The following PNLIP variants were observed in gnomAD, a reference collection of about 807,000 sequenced individuals.
PNLIP encodes pancreatic lipase.
PNLIP carries 49 observed loss-of-function variants against 57.1 expected under a neutral mutation model. That is an observed-to-expected ratio of 0.86 (90% CI 0.68 to 1.09). The LOEUF (loss-of-function observed/expected upper bound fraction) is 1.09, where lower values mean the gene tolerates loss of function less well. Among genes scored for constraint, PNLIP ranks in the 50% least tolerant of loss-of-function variants. The pLI is 0.00. For synonymous variants in PNLIP, 209 were observed against 200.4 expected, an observed-to-expected ratio of 1.04 and a Z score of -0.36; for missense variants, 503 against 570.2, an observed-to-expected ratio of 0.88 and a Z score of 1.20.
intron 11 of PNLIP, among the ~76,000 whole-genome samples, chr10:116,561,039 TA>T (rs1847310631): frequency 6.6e-6 from 1 of 152,224 alleles, no homozygotes; most frequent in Admixed American, 6.5e-5. Flanking sequence ...ATTCAGTTTC[TA>T]AATATTTTCA....
intron 10 of PNLIP, 68 bp from the exon 11 acceptor site, chr10:116,560,348 T>C (rs1847301158): frequency 1.3e-6 from 1 of 746,966 alleles, no homozygotes; most frequent in Non-Finnish European, 2.3e-6. Context: ...AGTAGTGGGA[T>C]GCAAATTAAC....
At chr10:116,551,007 G>T (rs778310913) in intron 4 of PNLIP, 91 bp from the exon 5 acceptor site, 128 of 1,072,526 alleles carry the variant, frequency 1.2e-4, no homozygotes, top group South Asian at 5.8e-4. Flanking sequence ...TGTGGGTCAA[G>T]GAGGGAATTT....
At chr10:116,567,113 C>G (rs2133211446) in intron 12 of PNLIP, among the ~76,000 whole-genome samples, 1 of 32,794 alleles carries the variant, frequency 3.0e-5, no homozygotes. Context: ...TTCCTCCCTC[C>G]TTTCTTTCTC....
intron 3 of PNLIP, 26 bp downstream of exon 3, chr10:116,547,474 C>T: frequency 4.4e-6 from 7 of 1,592,876 alleles, no homozygotes; most frequent in Non-Finnish European, 6.0e-6. Flanking sequence ...GTGTTTAGAA[C>T]TAAGTTCTTT....
Position 116,547,284 on chromosome 10 carries a change from G to A in PNLIP, c.47-10G>A. On this transcript the variant is annotated splice_polypyrimidine_tract_variant and intron_variant, in intron 2 of 12. Coordinates refer to ENST00000369221, the MANE Select transcript of PNLIP (RefSeq NM_000936.4). ...GTTTGTAAAACTAATATCCTTCTGGGGGATTGCAGGAAAAGAAGTTTGCTA... is the reference window on the plus strand; with the variant it reads ...GTTTGTAAAACTAATATCCTTCTGGAGGATTGCAGGAAAAGAAGTTTGCTA... The A allele has an allele frequency of 6.2e-7, 1 of 1,613,434 alleles. No homozygotes were observed. The highest frequency in any genetic ancestry group is 8.5e-7 in the Non-Finnish European group (1 of 1,179,450).
At chr10:116,555,655 A>C in intron 8 of PNLIP, 148 bp downstream of exon 8, 1 of 939,388 alleles carries the variant, frequency 1.1e-6, no homozygotes. Context: ...GTAGGTTTTC[A>C]CTGGGATAAG....
chr10:116,550,053 C>CTTTTT (rs1176488381), intron 4 of PNLIP, among the ~76,000 whole-genome samples: 67 of 98,854 alleles, frequency 6.8e-4, no homozygotes, highest in Non-Finnish European at 8.9e-4. Flanking sequence ...TTCTCAAATT[C>CTTTTT]TTTTTTTTTT....
At position 116,547,339 on chromosome 10, in the gene PNLIP, C is replaced by T. The variant is rs1589553527; in HGVS notation, c.92C>T (p.Ser31Phe). Reference protein sequence around the residue: ...YERLGCFSDDSPWSGITERPL... With the variant: ...YERLGCFSDDFPWSGITERPL... ...AGACTCGGCTGCTTCAGTGATGACTCCCCATGGTCAGGAATTACGGAAAGA... is the reference window on the plus strand; with the variant it reads ...AGACTCGGCTGCTTCAGTGATGACTTCCCATGGTCAGGAATTACGGAAAGA... Residue 31 changes from serine to phenylalanine, a missense_variant, in exon 3 of 13, where the codon TCC becomes TTC. By Grantham distance (155) the Ser-to-Phe change is radical. Transcript: ENST00000369221. 6.2e-7 allele frequency: 1 copy of T among 1,613,982 alleles called. No homozygotes were observed. Among genetic ancestry groups the T allele is most frequent in the South Asian group, 1.1e-5 (1 of 91,076 alleles).
chr10:116,548,576 G>A, intron 4 of PNLIP, 94 bp downstream of exon 4: 2 of 1,325,472 alleles, frequency 1.5e-6, no homozygotes, highest in Non-Finnish European at 2.1e-6. Context: ...GACAGTGCTT[G>A]GAGGTCTTGG....
chr10:116,548,625 G>A lies in PNLIP; in HGVS notation c.324+143G>A, dbSNP rs1847156378. Reference sequence around the variant, plus strand: ...CCCTGCTGGGCCTGGAGTTCCTAGGGGAGGTCAAGGAGGTGGTGGTGGGAA... The same window carrying A: ...CCCTGCTGGGCCTGGAGTTCCTAGGAGAGGTCAAGGAGGTGGTGGTGGGAA... On this transcript the variant is annotated intron_variant, in intron 4 of 12. Transcript: ENST00000369221. The A allele has an allele frequency of 9.5e-6, 8 of 846,282 alleles. No homozygotes were observed. In the South Asian group the frequency reaches 1.1e-4, roughly 12 times the overall value. 52.4% of individuals were successfully genotyped at this position (846,282 alleles called of 1,614,324 possible).
Position 116,546,685 on chromosome 10 carries a change from A to G in PNLIP, c.46+547A>G, listed in dbSNP as rs1240006065. ...GATGTTGAGAAACGCAGCCCCCACA[A>G]CAGCTGCTACTCTTACTCCTACCAT... On this transcript the variant is annotated intron_variant, in intron 2 of 12. Coordinates refer to ENST00000369221, the MANE Select transcript of PNLIP (RefSeq NM_000936.4). Among the ~76,000 whole-genome samples, 4 of 152,296 alleles carry G rather than the reference A, an allele frequency of 2.6e-5. No homozygotes were observed. In the East Asian group the frequency reaches 5.8e-4, roughly 22 times the overall value.
At chr10:116,562,217 G>A (rs911799217) in intron 12 of PNLIP, among the ~76,000 whole-genome samples, 1 of 152,132 alleles carries the variant, frequency 6.6e-6, no homozygotes, top group African/African-American at 2.4e-5. Context: ...AAATTCTGAG[G>A]CAAGCACTGT....
At chr10:116,551,071 A>G (rs777879932) in intron 4 of PNLIP, 27 bp from the exon 5 acceptor site, 1 of 1,529,306 alleles carries the variant, frequency 6.5e-7, no homozygotes, top group East Asian at 2.4e-5. Flanking sequence ...TGAATTATTT[A>G]TCTGTTTATT....
intron 9 of PNLIP, among the ~76,000 whole-genome samples, chr10:116,557,915 C>T (rs551119973): frequency 1.8e-4 from 28 of 152,026 alleles, no homozygotes; most frequent in Non-Finnish European, 2.6e-4. Flanking sequence ...GAGAAAATTC[C>T]GGGATCTGAA....
intron 9 of PNLIP, among the ~76,000 whole-genome samples, chr10:116,558,768 G>A (rs1847283181): frequency 6.6e-6 from 1 of 151,810 alleles, no homozygotes; most frequent in Non-Finnish European, 1.5e-5. Flanking sequence ...AGGATTACAG[G>A]CGCCTGCCAC....
At chr10:116,563,545 C>T (rs972162648) in intron 12 of PNLIP, among the ~76,000 whole-genome samples, 1 of 152,078 alleles carries the variant, frequency 6.6e-6, no homozygotes, top group Non-Finnish European at 1.5e-5. Flanking sequence ...CTCGCCCCTC[C>T]CACTCTTCTC....
chr10:116,564,025 T>C (rs1172628390), intron 12 of PNLIP, among the ~76,000 whole-genome samples: 1 of 152,118 alleles, frequency 6.6e-6, no homozygotes, highest in Admixed American at 6.6e-5. Context: ...AAATAATACC[T>C]TGAAAATTTT....
Position 116,559,298 on chromosome 10 carries a change from T to C in PNLIP, c.1060+15T>C, listed in dbSNP as rs1847289416. The C allele has an allele frequency of 6.3e-7, 1 of 1,585,952 alleles. No individual in the cohort carries two copies. Among genetic ancestry groups the C allele is most frequent in the Non-Finnish European group, 8.7e-7 (1 of 1,156,012 alleles). Reference sequence around the variant, plus strand: ...TAATTTTGCACGTAAGTTTCTGTTTTCTGTATCTTATATTCTTATTGCTAT... The same window carrying C: ...TAATTTTGCACGTAAGTTTCTGTTTCCTGTATCTTATATTCTTATTGCTAT... On this transcript the variant is annotated intron_variant, in intron 10 of 12. Transcript: ENST00000369221.
chr10:116,563,678 T>G (rs147907957), intron 12 of PNLIP, among the ~76,000 whole-genome samples: 2,187 of 152,296 alleles, frequency 0.014, 23 homozygotes, highest in Non-Finnish European at 0.022. Flanking sequence ...AACTCAGGAA[T>G]GGATTTTTTT....
Sources: allele counts gnomAD v4.1 joint callset (sites outside exome capture counted in the v4.1 genomes callset), GRCh38; gene constraint gnomAD v4.1.1; transcripts MANE v1.5; gene names NCBI Gene and HGNC (gene_info 2026-07-23, HGNC 2026-07-21).